The following SERP2 variants were observed in gnomAD, a reference collection of about 807,000 sequenced individuals.
SERP2 encodes stress associated endoplasmic reticulum protein family member 2, also known as stress-associated endoplasmic reticulum protein 2.
A neutral mutation model predicts 9.1 loss-of-function variants in SERP2; 6 were observed. The observed-to-expected ratio is 0.66, with a 90% confidence interval of 0.36 to 1.30. The LOEUF (loss-of-function observed/expected upper bound fraction) is 1.30, where lower values mean the gene tolerates loss of function less well. Among genes scored for constraint, SERP2 ranks in the 50% most tolerant of loss-of-function variants. The probability of loss-of-function intolerance (pLI) is 0.03; values close to 1 mark genes in which losing one functional copy is unlikely to be tolerated. For synonymous variants in SERP2, 37 were observed against 27.3 expected (o/e 1.35, Z -1.10); for missense variants, 58 against 81.9 (o/e 0.71, Z 1.13).
In SERP2 at chr13:44,397,332, C is replaced by A. The variant is rs1042168701; in HGVS notation, c.*20C>A. On this transcript the variant is annotated 3_prime_UTR_variant, in exon 3 of 3. Coordinates refer to ENST00000379179, the MANE Select transcript of SERP2 (RefSeq NM_001010897.3). ...ATGTGAGAAAGCCAGGGATTTGACACCACCTCCCTCCCACTGGAGGCGGGA... is the reference window on the plus strand; with the variant it reads ...ATGTGAGAAAGCCAGGGATTTGACAACACCTCCCTCCCACTGGAGGCGGGA... 3.1e-6 allele frequency: 5 copies of A among 1,593,240 alleles called. No individual in the cohort carries two copies. Among genetic ancestry groups the A allele is most frequent in the Middle Eastern group, 1.7e-4 (1 of 6,020 alleles).
rs373109847 is a variant in SERP2, at chr13:44,383,544, G to GTTTTTTTTTT, written c.157+3839_157+3840insTTTTTTTTTT. Reference sequence around the variant, plus strand: ...TAGCTCCACCTCTCTGGAGGTTTGCGTTTTTTTTGTTTTTTTTTTTTTGAG... The same window carrying GTTTTTTTTTT: ...TAGCTCCACCTCTCTGGAGGTTTGCGTTTTTTTTTTTTTTTTTTGTTTTTTTTTTTTTGAG... On this transcript the variant is annotated intron_variant, in intron 2 of 2. Coordinates refer to ENST00000379179, the MANE Select transcript of SERP2 (RefSeq NM_001010897.3). Among the ~76,000 whole-genome samples the GTTTTTTTTTT allele has an allele frequency of 6.5e-5, 6 of 91,820 alleles. 1 individual carries two copies. The highest frequency in any genetic ancestry group is 8.4e-5 in the Non-Finnish European group (4 of 47,412). The allele number at this position is 91,820 out of a possible 152,430, so 60.2% of individuals were successfully genotyped here.
rs1872130051 is a variant in SERP2, at chr13:44,383,545, T to TTC, written c.157+3833_157+3834insCT. Among the ~76,000 whole-genome samples the TTC allele has an allele frequency of 6.7e-5, 2 of 29,754 alleles. 1 individual carries two copies. 19.5% of individuals were successfully genotyped at this position (29,754 alleles called of 152,430 possible). ...AGCTCCACCTCTCTGGAGGTTTGCGTTTTTTTTGTTTTTTTTTTTTTGAGA... is the reference window on the plus strand; with the variant it reads ...AGCTCCACCTCTCTGGAGGTTTGCGTTCTTTTTTTGTTTTTTTTTTTTTGAGA... On this transcript the variant is annotated intron_variant, in intron 2 of 2. Coordinates refer to ENST00000379179, the MANE Select transcript of SERP2 (RefSeq NM_001010897.3).
In SERP2 at chr13:44,392,673, GTT is replaced by G. The variant is rs200270823; in HGVS notation, c.158-4596_158-4595del. Among the ~76,000 whole-genome samples the G allele has an allele frequency of 9.5e-3, 1,442 of 152,260 alleles. 10 individuals carry two copies. The highest frequency in any genetic ancestry group is 0.015 in the Non-Finnish European group (1,052 of 68,006). ...TCCAAGATGGAAGATAATGATGCCA[GTT>G]TTAGCAGTGGGACGAGATCATGAGA... On this transcript the variant is annotated intron_variant, in intron 2 of 2. Coordinates refer to ENST00000379179, the MANE Select transcript of SERP2 (RefSeq NM_001010897.3).
chr13:44,392,731 C>T (rs1336344486), intron 2 of SERP2, among the ~76,000 whole-genome samples: 2 of 151,976 alleles, frequency 1.3e-5, no homozygotes, highest in African/African-American at 4.8e-5. Context: ...TACCTCTGAG[C>T]CACCCAGCTG....
chr13:44,373,960 G>A lies in SERP2; in HGVS notation c.-66G>A. The A allele has an allele frequency of 6.9e-7, 1 of 1,445,760 alleles. No individual in the cohort carries two copies. Among genetic ancestry groups the A allele is most frequent in the Non-Finnish European group, 9.4e-7 (1 of 1,060,406 alleles). The allele number at this position is 1,445,760 out of a possible 1,614,324, so 89.6% of individuals were successfully genotyped here. ...CGGGGGCCTCGGCGGGACGCGCTCG[G>A]CCCTGTCGCAGGAGCTAACGCAGGG... is the stretch of plus-strand genomic sequence containing the variant. On this transcript the variant is annotated 5_prime_UTR_variant, in exon 1 of 3. Transcript: ENST00000379179. This position sits in a 1 kb window ranked among gnomAD's most constrained non-coding sequence, Gnocchi z 4.8.
At chr13:44,389,135 G>A (rs1417773479) in intron 2 of SERP2, among the ~76,000 whole-genome samples, 2 of 152,160 alleles carry the variant, frequency 1.3e-5, no homozygotes, top group Non-Finnish European at 2.9e-5. Context: ...AAATCTTTTG[G>A]GGACACAAAA....
At position 44,378,888 on chromosome 13, in the gene SERP2, C is replaced by T. The variant is rs147186836; in HGVS notation, c.85-753C>T. Among the ~76,000 whole-genome samples the T allele has an allele frequency of 1.4e-3, 208 of 152,252 alleles. 2 individuals are homozygous for T. In the East Asian group the frequency reaches 0.016, roughly 12 times the overall value. On this transcript the variant is annotated intron_variant, in intron 1 of 2. Coordinates refer to ENST00000379179, the MANE Select transcript of SERP2 (RefSeq NM_001010897.3). ...GCTTCATTCATGCAGTTTTGACAGT[C>T]CCCTTCTGCTTCCCAGAGAATTCAG...
rs544834327 is a variant in SERP2, at chr13:44,388,325, TGTTA to T, written c.157+8615_157+8618del. The stretch of plus-strand genomic sequence containing the variant: ...GTATGTGTATTTGTGAATGTGTATG[TGTTA>T]GTGTGTTCATGAATGTGTATGTATA... On this transcript the variant is annotated intron_variant, in intron 2 of 2. Transcript: ENST00000379179. 3.0e-3 allele frequency among the ~76,000 whole-genome samples: 364 copies of T among 119,938 alleles called. 2 individuals are homozygous for T. The highest frequency in any genetic ancestry group is 0.011 in the African/African-American group (341 of 30,482). The allele number at this position is 119,938 out of a possible 152,430, so 78.7% of individuals were successfully genotyped here.
chr13:44,378,189 A>G (rs932089589), intron 1 of SERP2, among the ~76,000 whole-genome samples: 8 of 152,248 alleles, frequency 5.3e-5, no homozygotes, highest in African/African-American at 1.9e-4. Flanking sequence ...TTAATTTTAC[A>G]TATAAATACA....
At chr13:44,392,196 CAAAA>C (rs760513486) in intron 2 of SERP2, among the ~76,000 whole-genome samples, 4 of 35,980 alleles carry the variant, frequency 1.1e-4, no homozygotes, top group Non-Finnish European at 1.3e-4. Context: ...GACTCTGTCT[CAAAA>C]AAAAAAAAAA....
At chr13:44,383,553 GTT>G (rs71202275) in intron 2 of SERP2, among the ~76,000 whole-genome samples, 5 of 132,012 alleles carry the variant, frequency 3.8e-5, no homozygotes, top group Admixed American at 8.2e-5. Context: ...CGTTTTTTTT[GTT>G]TTTTTTTTTT....
At chr13:44,377,256 T>G (rs1871711045) in intron 1 of SERP2, among the ~76,000 whole-genome samples, 1 of 152,372 alleles carries the variant, frequency 6.6e-6, no homozygotes, top group South Asian at 2.1e-4. Context: ...GTATCTGTCC[T>G]GGGCAAGTAA....
chr13:44,376,647 C>T (rs1475697651), intron 1 of SERP2, among the ~76,000 whole-genome samples: 1 of 151,798 alleles, frequency 6.6e-6, no homozygotes, highest in African/African-American at 2.4e-5. Flanking sequence ...TGGTGGTGGG[C>T]GCCTGTAATC....
At chr13:44,374,960 C>T (rs1224530510) in intron 1 of SERP2, among the ~76,000 whole-genome samples, 2 of 152,132 alleles carry the variant, frequency 1.3e-5, no homozygotes, top group Admixed American at 6.5e-5. Context: ...TTAAGTAAAA[C>T]CTGTGCCTTA....
chr13:44,394,772 G>A (rs1872989681), intron 2 of SERP2, among the ~76,000 whole-genome samples: 1 of 152,202 alleles, frequency 6.6e-6, no homozygotes, highest in Non-Finnish European at 1.5e-5. Flanking sequence ...GGCAGATAGT[G>A]CTAAGCACTG....
intron 2 of SERP2, among the ~76,000 whole-genome samples, chr13:44,387,767 T>G (rs1158162758): frequency 6.6e-6 from 1 of 152,196 alleles, no homozygotes; most frequent in East Asian, 1.9e-4. Context: ...ACCATCTAAT[T>G]CCCATCATCC....
intron 1 of SERP2, 54 bp downstream of exon 1, chr13:44,374,163 G>GGGGGGGGGCCC: frequency 3.9e-6 from 2 of 519,196 alleles, no homozygotes; most frequent in African/African-American, 2.0e-5. Context: ...GCGGGGTGGG[G>GGGGGGGGGCCC]CGGAAGGTGG....
rs57960396 is a variant in SERP2 at position 44,381,989 on chromosome 13, AGGATGGATGGATGGAT to A, written c.157+2309_157+2324del. 1.6e-3 allele frequency among the ~76,000 whole-genome samples: 233 copies of A among 147,702 alleles called. 2 individuals are homozygous for A. Among genetic ancestry groups the A allele is most frequent in the African/African-American group, 5.3e-3 (211 of 40,124 alleles). On this transcript the variant is annotated intron_variant, in intron 2 of 2. Transcript: ENST00000379179. ...AGTATTTAGCACATAGTTAGTGCTTAGGATGGATGGATGGATGGATGGATGGATGGATGGATGGATG... is the reference window on the plus strand; with the variant it reads ...AGTATTTAGCACATAGTTAGTGCTTAGGATGGATGGATGGATGGATGGATG...
At chr13:44,392,790 G>A (rs1026821417) in intron 2 of SERP2, among the ~76,000 whole-genome samples, 2 of 152,256 alleles carry the variant, frequency 1.3e-5, no homozygotes, top group South Asian at 2.1e-4. Context: ...AGAGAAGTCA[G>A]GGCTGGAGAT....
Sources: allele counts gnomAD v4.1 joint callset (sites outside exome capture counted in the v4.1 genomes callset), GRCh38; gene constraint gnomAD v4.1.1; non-coding constraint Gnocchi (gnomAD v3.1); transcripts MANE v1.5; gene names NCBI Gene and HGNC (gene_info 2026-07-23, HGNC 2026-07-21).